Variants in JAK1 observed in about 807,000 individuals in gnomAD.
The protein encoded by JAK1 is Janus kinase 1.
A neutral mutation model predicts 136.6 loss-of-function variants in JAK1; 16 were observed. The ratio of observed to expected loss-of-function variants is 0.12; its 90% confidence interval spans 0.08 to 0.18. The LOEUF is 0.18. Ranked by LOEUF, JAK1 falls within the 10% of genes least tolerant of loss-of-function variation. The pLI is 1.00. For synonymous variants in JAK1, 492 were observed against 519.5 expected (o/e 0.95, Z 0.72); for missense variants, 859 against 1,450.1 (o/e 0.59, Z 6.62).
intron 1 of JAK1, among the ~76,000 whole-genome samples, chr1:64,906,492 A>C (rs1645192762): frequency 6.6e-6 from 1 of 152,094 alleles, no homozygotes; most frequent in Admixed American, 6.6e-5. Context: ...AAAACCCCCC[A>C]GCAGTCAGTC....
At chr1:64,931,859 A>G (rs10789167) in intron 1 of JAK1, among the ~76,000 whole-genome samples, 148,449 of 152,124 alleles carry the variant, frequency 0.98, 72,508 homozygotes, top group East Asian at 1. Flanking sequence ...CTAGCTATAC[A>G]GCTATTAATC....
chr1:65,058,676 T>C (rs1317271552), intron 1 of JAK1, among the ~76,000 whole-genome samples: 1 of 152,160 alleles, frequency 6.6e-6, no homozygotes, highest in South Asian at 2.1e-4. Context: ...GGCTGAAATA[T>C]TAAAAGGCCC....
chr1:65,027,231 ATT>A (rs112481251), intron 2 of JAK1, among the ~76,000 whole-genome samples: 1 of 148,068 alleles, frequency 6.8e-6, no homozygotes, highest in African/African-American at 2.5e-5. Flanking sequence ...CACCTGGCTA[ATT>A]TTTTTTTTCT....
intron 17 of JAK1, among the ~76,000 whole-genome samples, chr1:64,842,161 A>AT (rs1323185460): frequency 6.6e-6 from 1 of 152,252 alleles, no homozygotes; most frequent in African/African-American, 2.4e-5. Flanking sequence ...AGAATTTTAT[A>AT]TAACTCTATC....
At chr1:64,865,063 C>T (rs946841420) in intron 7 of JAK1, 91 bp from the exon 8 acceptor site, 12 of 1,015,960 alleles carry the variant, frequency 1.2e-5, no homozygotes, top group Non-Finnish European at 1.7e-5. Flanking sequence ...CTATGCAGGG[C>T]CTAGGTCCAA....
chr1:64,847,488 G>C, intron 13 of JAK1, 44 bp downstream of exon 13: 1 of 1,610,954 alleles, frequency 6.2e-7, no homozygotes, highest in South Asian at 1.1e-5. Context: ...ACTGGCTCCA[G>C]AAACGGGAGA....
chr1:65,001,787 G>C (rs1325670684), intron 2 of JAK1, among the ~76,000 whole-genome samples: 1 of 151,792 alleles, frequency 6.6e-6, no homozygotes, highest in African/African-American at 2.4e-5. Flanking sequence ...GTGTGTTTGA[G>C]GGGTAGCAGG....
chr1:64,951,648 C>CTTT (rs1557719374), intron 1 of JAK1, among the ~76,000 whole-genome samples: 3 of 128,158 alleles, frequency 2.3e-5, no homozygotes, highest in African/African-American at 9.0e-5. Flanking sequence ...ACAAGTTCTG[C>CTTT]CTTTTTTTTT....
chr1:64,995,528 C>G (rs1042924581), intron 2 of JAK1, among the ~76,000 whole-genome samples: 1 of 152,022 alleles, frequency 6.6e-6, no homozygotes, highest in Non-Finnish European at 1.5e-5. Context: ...TGTTTGTTTA[C>G]TTAAGGAGGA....
At position 64,985,565 on chromosome 1, in the gene JAK1, G is replaced by A. The variant is rs553484899; in HGVS notation, c.-78+58915C>T. 6.5e-5 allele frequency: 75 copies of A among 1,153,164 alleles called. No individual in the cohort carries two copies. In the African/African-American group the frequency reaches 7.0e-4, roughly 11 times the overall value. 71.4% of individuals were successfully genotyped at this position (1,153,164 alleles called of 1,614,324 possible). On this transcript the variant is annotated intron_variant, in intron 2 of 25. Transcript: ENST00000671954. ...CAGGCCATAGGTCTTCAGACCCCAG[G>A]ATGAATTCCAGATCAAAGATCTGGG...
rs2101007565 is a variant in JAK1 at position 64,846,631 on chromosome 1, G to C, written c.1987+18C>G. ...CCCCAGCCAGGCCACCCACCCCTTT[G>C]AAAGAGAACACACTTACTCTCCACG... On this transcript the variant is annotated intron_variant, in intron 14 of 24. Transcript: ENST00000342505. 6.2e-7 allele frequency: 1 copy of C among 1,604,500 alleles called. No individual in the cohort carries two copies.
intron 1 of JAK1, among the ~76,000 whole-genome samples, chr1:65,054,902 A>G (rs969528595): frequency 1.3e-5 from 2 of 152,248 alleles, no homozygotes; most frequent in South Asian, 2.1e-4. Flanking sequence ...TTACATTTTA[A>G]TTGCTTACTT....
Position 64,838,102 on chromosome 1 carries a change from C to T in JAK1, c.2970G>A (p.Gly990=), listed in dbSNP as rs1269991099. The change falls in exon 22 of 25, where the codon GGG becomes GGA. Residue 990 remains glycine (G), a splice_region_variant and synonymous_variant. Coordinates refer to ENST00000342505, the MANE Select transcript of JAK1 (RefSeq NM_002227.4). ...ATTGCCGAGAACCCAAATAGTCCAT[C>T]CCCTGAGAGAGAGAAGTAAAAGTCA... ...QLKYAVQICK[G]MDYLGSRQYV... is the part of the protein sequence containing the mutation. The T allele has an allele frequency of 6.2e-7, 1 of 1,610,918 alleles. No individual in the cohort carries two copies. Among genetic ancestry groups the T allele is most frequent in the South Asian group, 1.1e-5 (1 of 90,926 alleles).
At chr1:64,976,093 G>A (rs370209045) in intron 2 of JAK1, among the ~76,000 whole-genome samples, 3 of 152,204 alleles carry the variant, frequency 2.0e-5, no homozygotes, top group East Asian at 1.9e-4. Context: ...GTGGGACCAC[G>A]CCTACTTTGA....
rs933939826 is a variant in JAK1 at position 64,910,858 on chromosome 1, A to G, written c.-77-24517T>C. ...GACTCTGTCTCAAAAAAAAAAAAAAAAAAAATCAACATAGGGCATTTAGAT... is the reference window on the plus strand; with the variant it reads ...GACTCTGTCTCAAAAAAAAAAAAAAGAAAAATCAACATAGGGCATTTAGAT... On this transcript the variant is annotated intron_variant, in intron 1 of 24. Coordinates refer to ENST00000342505, the MANE Select transcript of JAK1 (RefSeq NM_002227.4). Among the ~76,000 whole-genome samples, 17 of 151,930 alleles carry G rather than the reference A, an allele frequency of 1.1e-4. No individual in the cohort carries two copies. In the South Asian group the frequency reaches 3.5e-3, roughly 32 times the overall value.
At chr1:64,855,172 A>G (rs531361587) in intron 11 of JAK1, among the ~76,000 whole-genome samples, 44 of 152,358 alleles carry the variant, frequency 2.9e-4, no homozygotes, top group African/African-American at 9.9e-4. Flanking sequence ...ATGTGCCAGG[A>G]ATATCTCTCA....
chr1:64,895,414 T>C lies in JAK1; in HGVS notation c.-77-9073A>G, dbSNP rs535142965. Reference sequence around the variant, plus strand: ...GACTACAGTTTGAAAAACACTGTTTTAAAGGACCCAACAAGGTTACTACTA... The same window carrying C: ...GACTACAGTTTGAAAAACACTGTTTCAAAGGACCCAACAAGGTTACTACTA... On this transcript the variant is annotated intron_variant, in intron 1 of 24. Coordinates refer to ENST00000342505, the MANE Select transcript of JAK1 (RefSeq NM_002227.4). 6.6e-5 allele frequency among the ~76,000 whole-genome samples: 10 copies of C among 152,324 alleles called. No homozygotes were observed. In the South Asian group the frequency reaches 2.1e-3, roughly 32 times the overall value.
chr1:64,906,511 T>C (rs1370235467), intron 1 of JAK1, among the ~76,000 whole-genome samples: 2 of 152,126 alleles, frequency 1.3e-5, no homozygotes, highest in Non-Finnish European at 2.9e-5. Context: ...TCTTGACACA[T>C]CTTTCTCTCA....
chr1:64,994,375 T>A (rs1646684941), intron 2 of JAK1, among the ~76,000 whole-genome samples: 1 of 152,210 alleles, frequency 6.6e-6, no homozygotes, highest in African/African-American at 2.4e-5. Context: ...GGAAGGAACA[T>A]ATCTTAGTTT....
Sources: allele counts gnomAD v4.1 joint callset (sites outside exome capture counted in the v4.1 genomes callset), GRCh38; gene constraint gnomAD v4.1.1; transcripts MANE v1.5; gene names NCBI Gene and HGNC (gene_info 2026-07-23, HGNC 2026-07-21).